BICD1: variants seen among roughly 807,000 people sequenced by gnomAD.
The protein encoded by BICD1 is BICD cargo adaptor 1, also known as protein bicaudal D homolog 1.
BICD1 carries 35 observed loss-of-function variants against 92.5 expected under a neutral mutation model. That is an observed-to-expected ratio of 0.38 (90% CI 0.29 to 0.50). The LOEUF is 0.50. Among genes scored for constraint, BICD1 ranks in the 20% least tolerant of loss-of-function variants. BICD1 has a pLI of 0.93. For missense variants in BICD1, 950 were observed against 1,189.8 expected (o/e 0.80, Z 2.97); for synonymous variants, 429 against 465.1 (o/e 0.92, Z 1.00).
intron 2 of BICD1, among the ~76,000 whole-genome samples, chr12:32,237,005 G>T (rs1235521073): frequency 6.6e-6 from 1 of 150,500 alleles, no homozygotes; most frequent in Admixed American, 6.7e-5. Flanking sequence ...CTCCCATGTA[G>T]CTGGGACTAC....
intron 1 of BICD1, among the ~76,000 whole-genome samples, chr12:32,166,925 T>C (rs1943788047): frequency 6.6e-6 from 1 of 152,210 alleles, no homozygotes; most frequent in Non-Finnish European, 1.5e-5. Context: ...CTGACAATCT[T>C]TAGATGCCCA....
chr12:32,139,981 C>G (rs1942856447), intron 1 of BICD1, among the ~76,000 whole-genome samples: 3 of 152,254 alleles, frequency 2.0e-5, no homozygotes, highest in African/African-American at 7.2e-5. Context: ...GTCCGTGTAC[C>G]GAGGACGGAT....
intron 1 of BICD1, among the ~76,000 whole-genome samples, chr12:32,161,980 G>T (rs1424839966): frequency 6.6e-6 from 1 of 152,074 alleles, no homozygotes; most frequent in South Asian, 2.1e-4. Flanking sequence ...AGATACTTTC[G>T]CAGGTTCCAG....
At chr12:32,178,904 C>T (rs1287517483) in intron 1 of BICD1, among the ~76,000 whole-genome samples, 2 of 151,826 alleles carry the variant, frequency 1.3e-5, no homozygotes, top group African/African-American at 2.4e-5. Flanking sequence ...TGGTGGAGGA[C>T]GTCACTCAGT....
chr12:32,239,646 G>T (rs1255096580), intron 2 of BICD1, among the ~76,000 whole-genome samples: 1 of 151,434 alleles, frequency 6.6e-6, no homozygotes, highest in Non-Finnish European at 1.5e-5. Flanking sequence ...TTGTTGCCCA[G>T]CCTGGAGTGC....
rs552899183 is a variant in BICD1 at position 32,380,521 on chromosome 12, C to T, written c.*2894C>T. ...AAACAGGTAGTTTTTTAAAAGTAAG[C>T]ACAATTACAATATTGAATAGTATGG... On this transcript the variant is annotated 3_prime_UTR_variant, in exon 10 of 10. Coordinates refer to ENST00000652176, the MANE Select transcript of BICD1 (RefSeq NM_001714.4). 1 of 152,190 alleles carries T rather than the reference C, an allele frequency of 6.6e-6. No individual in the cohort carries two copies. The highest frequency in any genetic ancestry group is 2.4e-5 in the African/African-American group (1 of 41,518). The allele number at this position is 152,190 out of a possible 1,614,324, so 9.4% of individuals were successfully genotyped here.
intron 2 of BICD1, among the ~76,000 whole-genome samples, chr12:32,275,644 G>A (rs921060941): frequency 1.3e-5 from 2 of 151,864 alleles, no homozygotes; most frequent in African/African-American, 4.9e-5. Flanking sequence ...TTCGCTTGCC[G>A]TCCACCACTG....
At chr12:32,198,398 A>G (rs1414452533) in intron 1 of BICD1, among the ~76,000 whole-genome samples, 3 of 146,126 alleles carry the variant, frequency 2.1e-5, no homozygotes, top group Non-Finnish European at 4.5e-5. Flanking sequence ...AAAGTCCTCC[A>G]TGGTCAGAGT....
At chr12:32,339,978 C>T (rs1289085981) in intron 8 of BICD1, 1 of 830,520 alleles carries the variant, frequency 1.2e-6, no homozygotes, top group Non-Finnish European at 1.5e-6. Context: ...GCAAGCTTCG[C>T]ACTTTGCCAC....
At chr12:32,347,055 G>A (rs764153700) in intron 8 of BICD1, among the ~76,000 whole-genome samples, 2 of 150,190 alleles carry the variant, frequency 1.3e-5, no homozygotes, top group Non-Finnish European at 3.0e-5. Flanking sequence ...AGGTTCAAGC[G>A]ATTCTCCTGC....
intron 1 of BICD1, among the ~76,000 whole-genome samples, chr12:32,141,236 C>CTTAT (rs1209985554): frequency 2.6e-5 from 4 of 152,110 alleles, no homozygotes. Context: ...GCACTCCTGT[C>CTTAT]TTATTAGATA....
At chr12:32,324,169 C>G (rs1948718592) in intron 4 of BICD1, among the ~76,000 whole-genome samples, 1 of 151,960 alleles carries the variant, frequency 6.6e-6, no homozygotes, top group Admixed American at 6.6e-5. Context: ...ACTAAAAACC[C>G]CATGGTGAAA....
At chr12:32,188,873 G>T (rs144861904) in intron 1 of BICD1, among the ~76,000 whole-genome samples, 1 of 151,960 alleles carries the variant, frequency 6.6e-6, no homozygotes, top group Non-Finnish European at 1.5e-5. Context: ...GACTACAGGC[G>T]CCCACTACCA....
Position 32,155,498 on chromosome 12 carries a change from G to A in BICD1, c.213+47954G>A, listed in dbSNP as rs184296871. Among the ~76,000 whole-genome samples the A allele has an allele frequency of 5.8e-4, 88 of 152,254 alleles. 1 individual carries two copies. Among genetic ancestry groups the A allele is most frequent in the African/African-American group, 1.8e-3 (76 of 41,556 alleles). On this transcript the variant is annotated intron_variant, in intron 1 of 9. Transcript: ENST00000652176. ...GTTTCTCACAGATTAAAGTACAGCC[G>A]TCTTCCTTGAAGTAAGAACATCTCA...
Position 32,328,545 on chromosome 12 carries a change from C to T in BICD1, c.2090C>T (p.Ala697Val). The T allele has an allele frequency of 6.2e-7, 1 of 1,610,084 alleles. No individual in the cohort carries two copies. The highest frequency in any genetic ancestry group is 8.5e-7 in the Non-Finnish European group (1 of 1,177,148). Reference sequence around the variant, plus strand: ...GCCACATTGAGGGCGGTGTTGAAAGCCAACAAGCAGGTAATCTCATTCTAC... The same window carrying T: ...GCCACATTGAGGGCGGTGTTGAAAGTCAACAAGCAGGTAATCTCATTCTAC... ...QIATLRAVLK[A>V]NKQTAEVALA... The change falls in exon 5 of 10, where the codon GCC (alanine) becomes GTC (valine). Residue 697 changes from alanine (A) to valine (V), a missense_variant. Ala to Val is a moderately conservative substitution (Grantham distance 64). Coordinates refer to ENST00000652176, the MANE Select transcript of BICD1 (RefSeq NM_001714.4). The surrounding 1 kb of genome is among the most constrained non-coding windows in gnomAD (Gnocchi z 4.4).
intron 1 of BICD1, among the ~76,000 whole-genome samples, chr12:32,198,154 G>A (rs980637161): frequency 2.6e-5 from 4 of 151,602 alleles, no homozygotes; most frequent in Non-Finnish European, 5.9e-5. Flanking sequence ...GCGGTGAGCT[G>A]AGATCGTGCC....
chr12:32,345,288 A>G (rs1225262143), intron 8 of BICD1, among the ~76,000 whole-genome samples: 1 of 151,802 alleles, frequency 6.6e-6, no homozygotes, highest in African/African-American at 2.4e-5. Flanking sequence ...AAAAAAAAAA[A>G]AAAGAAGAAA....
In BICD1 at chr12:32,143,526, T is replaced by C. The variant is rs1565544542; in HGVS notation, c.213+35982T>C. On this transcript the variant is annotated intron_variant, in intron 1 of 9. Coordinates refer to ENST00000652176, the MANE Select transcript of BICD1 (RefSeq NM_001714.4). ...TGCTAGTTATTTCATTTTGTTATGG[T>C]ATAGTATCCCATTGTATGATTGTAC... Among the ~76,000 whole-genome samples, 7 of 152,206 alleles carry C rather than the reference T, an allele frequency of 4.6e-5. No homozygotes were observed. In the South Asian group the frequency reaches 1.4e-3, roughly 32 times the overall value.
At chr12:32,301,044 C>T (rs1203191888) in intron 3 of BICD1, among the ~76,000 whole-genome samples, 2 of 152,110 alleles carry the variant, frequency 1.3e-5, no homozygotes, top group Non-Finnish European at 2.9e-5. Context: ...TTTCTTATAA[C>T]CACACTGAGG....
Sources: allele counts gnomAD v4.1 joint callset (sites outside exome capture counted in the v4.1 genomes callset), GRCh38; gene constraint gnomAD v4.1.1; non-coding constraint Gnocchi (gnomAD v3.1); transcripts MANE v1.5; gene names NCBI Gene and HGNC (gene_info 2026-07-23, HGNC 2026-07-21).